The following OGFOD2 variants were observed in gnomAD, a reference collection of about 807,000 sequenced individuals.
OGFOD2 encodes 2-oxoglutarate and iron dependent oxygenase domain containing 2.
In OGFOD2, 34 loss-of-function variants were observed where a neutral mutation model predicts 31.1. The observed-to-expected ratio is 1.09, with a 90% confidence interval of 0.83 to 1.45. OGFOD2 has a LOEUF of 1.45. OGFOD2 is among the 40% of genes most tolerant of loss of function. The probability of loss-of-function intolerance (pLI) is 0.00; values close to 1 mark genes in which losing one functional copy is unlikely to be tolerated. For synonymous variants in OGFOD2, 240 were observed against 192.3 expected (o/e 1.25, Z -2.05); for missense variants, 537 against 433.9 (o/e 1.24, Z -2.11).
At chr12:122,975,376 A>G (rs1008825890) in exon 1 of OGFOD2, 6 of 699,962 alleles carry the variant, frequency 8.6e-6, no homozygotes, top group African/African-American at 7.0e-5. Flanking sequence ...CGCCGGGACT[A>G]CGGCCCGGTG....
chr12:122,975,465 C>T, intron 1 of OGFOD2, 82 bp downstream of exon 1: 1 of 605,150 alleles, frequency 1.7e-6, no homozygotes, highest in Non-Finnish European at 3.0e-6. Flanking sequence ...GGGTCGTTTG[C>T]TTTGCGCACG....
chr12:122,976,844 C>A lies in OGFOD2; in HGVS notation c.304-27C>A, dbSNP rs369587676. ...ATCCAGGGCTGGGGGTGCTGCCTGC[C>A]CCACAGCTGGTGTGTTTTGCTCCCA... On this transcript the variant is annotated intron_variant, in intron 3 of 6. Transcript: ENST00000228922. 26 of 1,596,042 alleles carry A rather than the reference C, an allele frequency of 1.6e-5. No homozygotes were observed. The African/African-American group carries it at 3.5e-4, about 21-fold the overall frequency.
intron 2 of OGFOD2, chr12:122,976,414 G>T: frequency 6.2e-7 from 1 of 1,613,684 alleles, no homozygotes; most frequent in Non-Finnish European, 8.5e-7. Flanking sequence ...ACATCTAGGG[G>T]TTCTCATCCC....
chr12:122,975,393 C>T lies in OGFOD2; in HGVS notation c.132+10C>T, dbSNP rs2037385646. 1.4e-6 allele frequency: 1 copy of T among 696,136 alleles called. No homozygotes were observed. Among genetic ancestry groups the T allele is most frequent in the Admixed American group, 2.0e-5 (1 of 49,154 alleles). 43.1% of individuals were successfully genotyped at this position (696,136 alleles called of 1,614,324 possible). On this transcript the variant is annotated intron_variant, in intron 1 of 6. Transcript: ENST00000228922. ...CCGGGACTACGGCCCGGTGAGTGGC[C>T]GCTGTCGTCCCTACGGAGCAGTGGG...
exon 7 of OGFOD2, chr12:122,979,557 CAG>C (rs2037553283): frequency 3.1e-6 from 2 of 640,968 alleles, no homozygotes; most frequent in South Asian, 4.4e-5. Flanking sequence ...GTCAGGGAAG[CAG>C]GGGAGGGGAG....
At chr12:122,978,459 C>T (rs200489929) in exon 5 of OGFOD2, 86 of 1,613,448 alleles carry the variant, frequency 5.3e-5, no homozygotes, top group Non-Finnish European at 6.9e-5. Flanking sequence ...GCGCATCTAC[C>T]GGGTGCCTGT....
chr12:122,976,549 C>T (rs2135953787), intron 2 of OGFOD2, 105 bp from the exon 3 acceptor site: 1 of 1,299,120 alleles, frequency 7.7e-7, no homozygotes, highest in Non-Finnish European at 1.1e-6. Flanking sequence ...GACTTGGCTT[C>T]CAGCCTGGGC....
Position 122,977,648 on chromosome 12 carries a change from G to A in OGFOD2, c.403+678G>A, listed in dbSNP as rs190460293. On this transcript the variant is annotated intron_variant, in intron 4 of 6. Transcript: ENST00000228922. ...AGAGTGCCTGTCACAGGGCCCGCAC[G>A]TAGTGTTTGGAAAGTGTTTCCTATT... 210 of 158,170 alleles carry A rather than the reference G, an allele frequency of 1.3e-3. 3 individuals carry two copies. The highest frequency in any genetic ancestry group is 4.7e-3 in the African/African-American group (196 of 41,636). 9.8% of individuals were successfully genotyped at this position (158,170 alleles called of 1,614,324 possible). A position where few individuals can be genotyped will look rare whatever the true frequency, so the allele number is the denominator to read the frequency against.
upstream of OGFOD2, chr12:122,974,966 T>C: frequency 3.4e-6 from 1 of 295,566 alleles, no homozygotes; most frequent in South Asian, 1.1e-4. Context: ...TCCCTTCCTC[T>C]CCCCGTCCTG....
At chr12:122,976,006 C>T in intron 2 of OGFOD2, 139 bp downstream of exon 2, 1 of 638,680 alleles carries the variant, frequency 1.6e-6, no homozygotes, top group South Asian at 1.7e-5. Flanking sequence ...CTGCCCCCCA[C>T]TCATCCCTCC....
chr12:122,977,308 G>A (rs574782293), intron 4 of OGFOD2: 8 of 360,984 alleles, frequency 2.2e-5, no homozygotes, highest in Admixed American at 8.0e-5. Flanking sequence ...GGTATGGGCA[G>A]GATAAAGGGA....
At position 122,978,553 on chromosome 12, in the gene OGFOD2, C is replaced by T. The variant is rs754866640; in HGVS notation, c.515C>T (p.Thr172Ile). The T allele has an allele frequency of 2.1e-5, 34 of 1,613,168 alleles. No homozygotes were observed. Among genetic ancestry groups the T allele is most frequent in the Non-Finnish European group, 2.9e-5 (34 of 1,179,852 alleles). ...GACATGCCTAAGGGGAGGCCCAACA[C>T]CATGAACAACTACGGGGTGGGTGAG... Residue 172 changes from threonine to isoleucine, a missense_variant, in exon 5 of 7, where the codon ACC (threonine) becomes ATC (isoleucine). Thr to Ile is a moderately conservative substitution (Grantham distance 89, BLOSUM62 -1). Coordinates refer to ENST00000228922, the Ensembl canonical transcript of OGFOD2.
chr12:122,979,305 C>T lies in OGFOD2; in HGVS notation c.1012C>T (p.Arg338Ter), dbSNP rs376795927. 20 of 1,612,368 alleles carry T rather than the reference C, an allele frequency of 1.2e-5. No homozygotes were observed. The highest frequency in any genetic ancestry group is 3.3e-4 in the Middle Eastern group (2 of 6,058). ...TGAGGGCTTCGGTGATGGCTTCACC[C>T]GAGAGGAGCCCGCCACGGTGGATGT... Residue 338 changes from arginine to a stop codon, truncating the protein, a stop_gained, in exon 7 of 7, where the codon CGA (arginine) becomes TGA (stop). Coordinates refer to ENST00000228922, the Ensembl canonical transcript of OGFOD2. LOFTEE classifies it high-confidence loss of function.
At position 122,979,224 on chromosome 12, in the gene OGFOD2, G is replaced by A. The variant is rs199867679; in HGVS notation, c.931G>A (p.Ala311Thr). ...CCTTGTCGTCTGGCTCCGAGCCTCT[G>A]CTGTGCGCAACAGCCTCTGTCCCAT... Residue 311 changes from alanine (A) to threonine (T), a missense_variant, in exon 7 of 7, where the codon GCT becomes ACT. Coordinates refer to ENST00000228922, the Ensembl canonical transcript of OGFOD2. The A allele has an allele frequency of 4.7e-4, 754 of 1,612,648 alleles. 6 individuals carry two copies. The highest frequency in any genetic ancestry group is 6.5e-4 in the Admixed American group (39 of 60,028).
chr12:122,978,927 T>A (rs755283972), exon 6 of OGFOD2: 4 of 1,613,302 alleles, frequency 2.5e-6, no homozygotes, highest in Non-Finnish European at 3.4e-6. Context: ...GGGCTGCCAC[T>A]ATGATAATGC....
At chr12:122,979,961 C>CTTGGT (rs2037566210) in exon 7 of OGFOD2, 10 of 372,682 alleles carry the variant, frequency 2.7e-5, no homozygotes, top group Non-Finnish European at 3.8e-5. Flanking sequence ...CTTTTGGTGC[C>CTTGGT]TTCGTTTCCT....
At chr12:122,978,908 C>T (rs888631059) in exon 6 of OGFOD2, 4 of 1,613,036 alleles carry the variant, frequency 2.5e-6, no homozygotes, top group African/African-American at 1.3e-5. Context: ...CGGGCCAGGA[C>T]CTGGAGCTGG....
chr12:122,978,995 T>C (rs746365472), exon 6 of OGFOD2: 29 of 1,612,710 alleles, frequency 1.8e-5, no homozygotes, highest in Non-Finnish European at 1.4e-5. Context: ...CCCTGTATTT[T>C]GGGGGCCTCT....
intron 5 of OGFOD2, 53 bp downstream of exon 5, chr12:122,978,622 A>G: frequency 6.2e-7 from 1 of 1,600,696 alleles, no homozygotes; most frequent in Non-Finnish European, 8.5e-7. Context: ...GTCAGGAGGC[A>G]GTGTCAGAGG....
Sources: gnomAD v4.1 joint callset for allele counts on GRCh38, gnomAD v4.1.1 for gene constraint, MANE v1.5 for transcripts, NCBI Gene and HGNC (gene_info 2026-07-23, HGNC 2026-07-21) for gene names.